Variants in SEC24D observed in about 807,000 individuals in gnomAD.
SEC24D encodes the protein SEC24 homolog D, COPII component, also known as protein transport protein Sec24D.
A neutral mutation model predicts 116.9 loss-of-function variants in SEC24D; 69 were observed. The observed-to-expected ratio is 0.59, with a 90% CI of 0.49 to 0.72. The LOEUF (loss-of-function observed/expected upper bound fraction) is 0.72, where lower values mean the gene tolerates loss of function less well. SEC24D is among the 30% of genes least tolerant of loss of function. The probability of loss-of-function intolerance (pLI) is 0.00; values close to 1 mark genes in which losing one functional copy is unlikely to be tolerated. For missense variants in SEC24D, 1,131 were observed against 1,264.1 expected, an observed-to-expected ratio of 0.89 and a Z score of 1.60; for synonymous variants, 405 against 442.8, an observed-to-expected ratio of 0.91 and a Z score of 1.07.
chr4:118,747,146 A>G (rs1726574879), intron 13 of SEC24D, among the ~76,000 whole-genome samples: 1 of 152,196 alleles, frequency 6.6e-6, no homozygotes, highest in Non-Finnish European at 1.5e-5. Flanking sequence ...TGGCCAGTAA[A>G]GACACATGAG....
At chr4:118,781,636 T>A (rs1728417722) in intron 8 of SEC24D, among the ~76,000 whole-genome samples, 1 of 152,202 alleles carries the variant, frequency 6.6e-6, no homozygotes, top group Admixed American at 6.5e-5. Flanking sequence ...TGTTAGCCTG[T>A]CTTGCTAGGT....
At chr4:118,815,248 T>C (rs1346147165) in intron 5 of SEC24D, 93 bp from the exon 6 acceptor site, 1 of 1,478,794 alleles carries the variant, frequency 6.8e-7, no homozygotes. Context: ...TCAAGCATGT[T>C]GTATTTTTCA....
intron 8 of SEC24D, among the ~76,000 whole-genome samples, chr4:118,781,587 A>C (rs1728415605): frequency 6.6e-6 from 1 of 151,916 alleles, no homozygotes; most frequent in African/African-American, 2.4e-5. Flanking sequence ...CTTCTCGAGG[A>C]GTATCTTTGT....
intron 8 of SEC24D, among the ~76,000 whole-genome samples, chr4:118,772,592 G>C (rs1171676301): frequency 1.3e-5 from 2 of 152,072 alleles, no homozygotes; most frequent in Admixed American, 1.3e-4. Flanking sequence ...ACAGAGGTAC[G>C]GTTGGGATAG....
rs200867651 is a variant in SEC24D at position 118,752,859 on chromosome 4, C to T, written c.1451G>A (p.Arg484Gln). The stretch of plus-strand genomic sequence containing the variant: ...TTTGTTATATGTGATAAAACCCACT[C>T]GAATTGCAGACGTCTCTTCTTGCTC... ...KEEQEETSAIRVGFITYNKVL... is the reference protein window; with the variant it reads ...KEEQEETSAIQVGFITYNKVL... The change falls in exon 12 of 23, where the codon CGA (arginine) becomes CAA (glutamine). Residue 484 changes from arginine to glutamine, a missense_variant. Coordinates refer to ENST00000280551, the MANE Select transcript of SEC24D (RefSeq NM_014822.4). 21 of 1,587,654 alleles carry T rather than the reference C, an allele frequency of 1.3e-5. No individual in the cohort carries two copies. The South Asian group carries it at 2.4e-4, about 18-fold the overall frequency.
intron 10 of SEC24D, among the ~76,000 whole-genome samples, chr4:118,760,884 T>A (rs990389841): frequency 1.3e-5 from 2 of 151,794 alleles, no homozygotes; most frequent in African/African-American, 2.4e-5. Context: ...ATTTTTTTTT[T>A]TTATTTTTAT....
chr4:118,829,162 T>A (rs1028963630), intron 2 of SEC24D, among the ~76,000 whole-genome samples: 6 of 152,246 alleles, frequency 3.9e-5, no homozygotes, highest in Non-Finnish European at 1.5e-5. Flanking sequence ...AGGACTGAGA[T>A]TAGGCTTATT....
intron 3 of SEC24D, among the ~76,000 whole-genome samples, chr4:118,822,704 T>G (rs2110533090): frequency 6.6e-6 from 1 of 152,220 alleles, no homozygotes; most frequent in East Asian, 1.9e-4. Flanking sequence ...CCAAAGTAGC[T>G]GGGACCACAG....
chr4:118,798,563 T>C (rs1279731332), intron 7 of SEC24D, among the ~76,000 whole-genome samples: 1 of 152,340 alleles, frequency 6.6e-6, no homozygotes, highest in Admixed American at 6.5e-5. Context: ...TCACTGAATG[T>C]CTAAGACATT....
At chr4:118,743,305 G>C (rs979615327) in intron 15 of SEC24D, among the ~76,000 whole-genome samples, 1 of 151,510 alleles carries the variant, frequency 6.6e-6, no homozygotes, top group African/African-American at 2.4e-5. Context: ...AAACACTTAG[G>C]AAGTATGGAA....
At position 118,757,828 on chromosome 4, in the gene SEC24D, G is replaced by A. The variant is rs2110463178; in HGVS notation, c.1314C>T (p.Asn438=). The change falls in exon 11 of 23, where the codon AAC becomes AAT. Residue 438 remains asparagine, a synonymous_variant. Transcript: ENST00000280551. ...LDYCRKSKPP[N]PPAFIFMIDV... is the part of the protein sequence containing the mutation. ...CAATCATGAAGATAAAGGCTGGTGG[G>A]TTGGGAGGCTTACTCTTCTATAGGA... 6.2e-7 allele frequency: 1 copy of A among 1,609,186 alleles called. No homozygotes were observed. The highest frequency in any genetic ancestry group is 8.5e-7 in the Non-Finnish European group (1 of 1,178,046).
chr4:118,834,447 A>G (rs1731004549), intron 1 of SEC24D, among the ~76,000 whole-genome samples: 1 of 152,234 alleles, frequency 6.6e-6, no homozygotes, highest in Admixed American at 6.5e-5. Context: ...GTAAGTGTGT[A>G]GGCACACACA....
At chr4:118,817,466 C>T (rs954205173) in intron 3 of SEC24D, 54 bp from the exon 4 acceptor site, 8 of 1,492,532 alleles carry the variant, frequency 5.4e-6, no homozygotes, top group East Asian at 2.4e-5. Flanking sequence ...AAGCAAATGG[C>T]GTACAATAAT....
intron 13 of SEC24D, among the ~76,000 whole-genome samples, chr4:118,747,105 G>A (rs938345369): frequency 3.9e-5 from 6 of 152,060 alleles, no homozygotes; most frequent in Non-Finnish European, 8.8e-5. Flanking sequence ...GTATATGTAC[G>A]CTGCATAGGA....
At position 118,757,706 on chromosome 4, in the gene SEC24D, T is replaced by A. The variant is rs746961982; in HGVS notation, c.1421+15A>T. The A allele has an allele frequency of 3.9e-5, 62 of 1,603,860 alleles. No homozygotes were observed. Among genetic ancestry groups the A allele is most frequent in the Non-Finnish European group, 1.8e-5 (21 of 1,176,254 alleles). The stretch of plus-strand genomic sequence containing the variant: ...AATAATGTATAAGTTGTAAAAAGAA[T>A]GACGGTTGCCTTACTTTGGAATTTT... On this transcript the variant is annotated intron_variant, in intron 11 of 22. Coordinates refer to ENST00000280551, the MANE Select transcript of SEC24D (RefSeq NM_014822.4).
intron 8 of SEC24D, among the ~76,000 whole-genome samples, chr4:118,785,627 T>C (rs548807172): frequency 2.0e-5 from 3 of 152,346 alleles, no homozygotes; most frequent in African/African-American, 7.2e-5. Flanking sequence ...CAAATGTTTA[T>C]GTTATGGTGA....
intron 7 of SEC24D, among the ~76,000 whole-genome samples, chr4:118,799,351 G>A (rs868124765): frequency 6.6e-6 from 1 of 152,118 alleles, no homozygotes; most frequent in Non-Finnish European, 1.5e-5. Flanking sequence ...TTTAACGGGT[G>A]TGCGGGTAGA....
intron 18 of SEC24D, among the ~76,000 whole-genome samples, chr4:118,738,915 G>T (rs539797202): frequency 6.6e-6 from 1 of 152,210 alleles, no homozygotes; most frequent in East Asian, 1.9e-4. Context: ...AACTCAGACT[G>T]CCACCCCAGA....
In SEC24D at chr4:118,815,112, T is replaced by C; in HGVS notation, c.717A>G (p.Pro239=). The C allele has an allele frequency of 1.2e-6, 2 of 1,614,186 alleles. No individual in the cohort carries two copies. Among genetic ancestry groups the C allele is most frequent in the African/African-American group, 1.3e-5 (1 of 75,060 alleles). ...PQMAGAQLSY[P]GGFPGGPAQM... Reference sequence around the variant, plus strand: ...GTGCAGGACCTCCAGGGAAGCCTCCTGGGTAAGACAGTTGTGCGCCTGCCA... The same window carrying C: ...GTGCAGGACCTCCAGGGAAGCCTCCCGGGTAAGACAGTTGTGCGCCTGCCA... Residue 239 remains proline, a synonymous_variant, in exon 6 of 23, where the codon CCA becomes CCG. Coordinates refer to ENST00000280551, the MANE Select transcript of SEC24D (RefSeq NM_014822.4).
Sources: gnomAD v4.1 joint callset for allele counts (sites outside exome capture counted in the v4.1 genomes callset) on GRCh38, gnomAD v4.1.1 for gene constraint, MANE v1.5 for transcripts, NCBI Gene and HGNC (gene_info 2026-07-23, HGNC 2026-07-21) for gene names.